The following PPME1 variants were observed in gnomAD, a reference collection of about 807,000 sequenced individuals.
The protein encoded by PPME1 is protein phosphatase methylesterase 1.
In PPME1, 17 loss-of-function variants were observed where a neutral mutation model predicts 56.9. That is an observed-to-expected ratio of 0.30 (90% CI 0.20 to 0.45). The LOEUF (loss-of-function observed/expected upper bound fraction) is 0.45. PPME1 is among the 20% of genes least tolerant of loss of function. The pLI, the probability that PPME1 is intolerant of heterozygous loss-of-function variation, is 1.00. For missense variants in PPME1, 357 were observed against 483.2 expected (o/e 0.74, Z 2.45); for synonymous variants, 122 against 156.2 (o/e 0.78, Z 1.63).
chr11:74,248,994 A>C (rs1334276738), intron 11 of PPME1: 1 of 152,250 alleles, frequency 6.6e-6, no homozygotes, highest in Non-Finnish European at 1.5e-5. Context: ...ATAATGATAT[A>C]TCTCAGTACA....
intron 3 of PPME1, among the ~76,000 whole-genome samples, chr11:74,206,257 G>A (rs1424065320): frequency 1.3e-5 from 2 of 152,126 alleles, no homozygotes; most frequent in African/African-American, 4.8e-5. Flanking sequence ...TGTTGCCCAG[G>A]CTGGACATGA....
chr11:74,176,974 A>T (rs1857415704), intron 1 of PPME1, among the ~76,000 whole-genome samples: 1 of 151,560 alleles, frequency 6.6e-6, no homozygotes, highest in African/African-American at 2.4e-5. Flanking sequence ...CAGGTAATCC[A>T]CCCACCTCAG....
intron 3 of PPME1, among the ~76,000 whole-genome samples, chr11:74,211,768 G>A (rs776122856): frequency 1.3e-5 from 2 of 151,942 alleles, no homozygotes; most frequent in African/African-American, 2.4e-5. Flanking sequence ...ACTACAAAGC[G>A]GTAAGAAGAA....
At position 74,175,653 on chromosome 11, in the gene PPME1, G is replaced by GC. The variant is rs925755803; in HGVS notation, c.101+4132dup. 4.8e-4 allele frequency among the ~76,000 whole-genome samples: 73 copies of GC among 152,094 alleles called. 1 individual carries two copies. Among genetic ancestry groups the GC allele is most frequent in the African/African-American group, 1.7e-3 (72 of 41,380 alleles). On this transcript the variant is annotated intron_variant, in intron 1 of 13. Transcript: ENST00000328257. ...GTGCATTACAACCTCAAACTCGTGG[G>GC]CTCAAGCAGTCTTCCCACTTCATCC...
chr11:74,235,675 G>C (rs1016301717), intron 7 of PPME1: 1 of 585,178 alleles, frequency 1.7e-6, no homozygotes, highest in African/African-American at 1.9e-5. Flanking sequence ...GTATCCTCTT[G>C]ATAAATATCT....
chr11:74,180,850 C>T (rs1038889390), intron 1 of PPME1, among the ~76,000 whole-genome samples: 33 of 152,222 alleles, frequency 2.2e-4, no homozygotes, highest in African/African-American at 7.0e-4. Context: ...TCTCTAAGAG[C>T]GAAGACTATT....
At chr11:74,180,985 C>T (rs147595582) in intron 1 of PPME1, among the ~76,000 whole-genome samples, 121 of 148,996 alleles carry the variant, frequency 8.1e-4, no homozygotes, top group Middle Eastern at 3.5e-3. Context: ...TTGCACTTAA[C>T]AATTGCCAAG....
At chr11:74,183,034 C>T (rs773635890) in intron 1 of PPME1, among the ~76,000 whole-genome samples, 4 of 150,378 alleles carry the variant, frequency 2.7e-5, no homozygotes, top group South Asian at 2.1e-4. Flanking sequence ...CAGTGGCTCA[C>T]GCTTGTAATC....
At chr11:74,223,153 T>C (rs1858844624) in intron 4 of PPME1, among the ~76,000 whole-genome samples, 1 of 150,142 alleles carries the variant, frequency 6.7e-6, no homozygotes, top group African/African-American at 2.5e-5. Flanking sequence ...CCATGTGATC[T>C]CATTGTTCAG....
intron 9 of PPME1, among the ~76,000 whole-genome samples, chr11:74,242,876 C>G (rs1217577279): frequency 3.0e-5 from 2 of 66,212 alleles, no homozygotes; most frequent in African/African-American, 1.4e-4. Flanking sequence ...GAGACTCTGT[C>G]TCAAAAAAAA....
intron 9 of PPME1, among the ~76,000 whole-genome samples, chr11:74,245,295 A>G (rs1294008199): frequency 6.6e-6 from 1 of 152,070 alleles, no homozygotes; most frequent in Non-Finnish European, 1.5e-5. Flanking sequence ...TTAAGCATCC[A>G]GTGATCTTTA....
intron 8 of PPME1, chr11:74,238,855 T>A (rs981234653): frequency 3.9e-6 from 1 of 255,390 alleles, no homozygotes; most frequent in Non-Finnish European, 7.6e-6. Context: ...ATGAAGATTA[T>A]ATAAGATTAT....
At chr11:74,208,066 C>T (rs1858372147) in intron 3 of PPME1, among the ~76,000 whole-genome samples, 1 of 152,106 alleles carries the variant, frequency 6.6e-6, no homozygotes, top group South Asian at 2.1e-4. Flanking sequence ...GTAATCCCAG[C>T]ACTTTGGGAG....
intron 12 of PPME1, 24 bp downstream of exon 12, chr11:74,251,042 T>TAAAAGGACA: frequency 6.3e-7 from 1 of 1,575,498 alleles, no homozygotes; most frequent in Non-Finnish European, 8.6e-7. Context: ...TCAGTGACTG[T>TAAAAGGACA]AAAAGGACAA....
chr11:74,224,084 A>G (rs7934024), intron 4 of PPME1, among the ~76,000 whole-genome samples: 101,263 of 148,002 alleles, frequency 0.68, 34,842 homozygotes, highest in East Asian at 0.84. Flanking sequence ...TAGGTCTAAC[A>G]TTTAAGTCTT....
rs77492296 is a variant in PPME1, at chr11:74,215,641, A to G, written c.289-6671A>G. Among the ~76,000 whole-genome samples, 10 of 152,346 alleles carry G rather than the reference A, an allele frequency of 6.6e-5. No individual in the cohort carries two copies. In the East Asian group the frequency reaches 1.9e-3, roughly 29 times the overall value. On this transcript the variant is annotated intron_variant, in intron 3 of 13. Coordinates refer to ENST00000328257, the MANE Select transcript of PPME1 (RefSeq NM_016147.3). Reference sequence around the variant, plus strand: ...CAAAACAACCAGAAAACAAAGTTGCAGGAATAAGTCCTTATTAATAATAAC... The same window carrying G: ...CAAAACAACCAGAAAACAAAGTTGCGGGAATAAGTCCTTATTAATAATAAC...
intron 3 of PPME1, 45 bp from the exon 4 acceptor site, chr11:74,222,267 T>A: frequency 6.9e-7 from 1 of 1,447,030 alleles, no homozygotes; most frequent in Non-Finnish European, 9.7e-7. Context: ...TGGGTGAAAT[T>A]TGTTATCCTA....
intron 3 of PPME1, among the ~76,000 whole-genome samples, chr11:74,218,149 CAAG>C (rs200439590): frequency 0.023 from 3,478 of 151,948 alleles, 127 homozygotes; most frequent in African/African-American, 0.078. Flanking sequence ...TCTGAAAAAT[CAAG>C]AAAGTAACCC....
Position 74,254,048 on chromosome 11 carries a change from T to G in PPME1, c.*538T>G, listed in dbSNP as rs1485988817. ...AAGACCCAGAGAGGCCAAGATCCCA[T>G]CCTTAGCCATAGCGAGCGGTGGTGG... On this transcript the variant is annotated 3_prime_UTR_variant, in exon 14 of 14. Coordinates refer to ENST00000328257, the MANE Select transcript of PPME1 (RefSeq NM_016147.3). The G allele has an allele frequency of 1.9e-5, 3 of 154,608 alleles. No homozygotes were observed. Among genetic ancestry groups the G allele is most frequent in the African/African-American group, 7.2e-5 (3 of 41,464 alleles). The allele number at this position is 154,608 out of a possible 1,614,324, so 9.6% of individuals were successfully genotyped here. A position where few individuals can be genotyped will look rare whatever the true frequency, so the allele number is the denominator to read the frequency against.
Sources: gnomAD v4.1 joint callset for allele counts (sites outside exome capture counted in the v4.1 genomes callset) on GRCh38, gnomAD v4.1.1 for gene constraint, MANE v1.5 for transcripts, NCBI Gene and HGNC (gene_info 2026-07-23, HGNC 2026-07-21) for gene names.